The following EXOC4 variants were observed in gnomAD, a reference collection of about 807,000 sequenced individuals.
The protein encoded by EXOC4 is exocyst complex component 4.
A neutral mutation model predicts 107.2 loss-of-function variants in EXOC4; 71 were observed. The ratio of observed to expected loss-of-function variants is 0.66; its 90% CI spans 0.55 to 0.81. EXOC4 has a LOEUF of 0.81. Among genes scored for constraint, EXOC4 ranks in the 30% least tolerant of loss-of-function variants. The pLI, the probability that EXOC4 is intolerant of heterozygous loss-of-function variation, is 0.00. For missense variants in EXOC4, 1,108 were observed against 1,189.6 expected (o/e 0.93, Z 1.01); for synonymous variants, 456 against 441.2 (o/e 1.03, Z -0.42).
At chr7:133,787,972 TA>T (rs1796620545) in intron 10 of EXOC4, among the ~76,000 whole-genome samples, 6 of 38,568 alleles carry the variant, frequency 1.6e-4, no homozygotes, top group Admixed American at 2.2e-4. Context: ...TTTATATATA[TA>T]TATATATATA....
At chr7:133,903,111 G>A (rs1424606312) in intron 12 of EXOC4, among the ~76,000 whole-genome samples, 2 of 152,132 alleles carry the variant, frequency 1.3e-5, no homozygotes, top group Non-Finnish European at 2.9e-5. Context: ...ACACTTTTAA[G>A]GAACAGCAAG....
intron 14 of EXOC4, among the ~76,000 whole-genome samples, chr7:133,989,654 G>A (rs573245888): frequency 6.6e-6 from 1 of 152,340 alleles, no homozygotes; most frequent in Non-Finnish European, 1.5e-5. Context: ...CTGAAGAGCA[G>A]CCAGTAGATT....
intron 5 of EXOC4, among the ~76,000 whole-genome samples, chr7:133,342,844 G>T (rs1412950922): frequency 6.6e-6 from 1 of 151,994 alleles, no homozygotes; most frequent in Non-Finnish European, 1.5e-5. Flanking sequence ...GCATATCTCT[G>T]AGTGTGTCTT....
In EXOC4 at chr7:133,619,302, C is replaced by A. The variant is rs150035861; in HGVS notation, c.1418-10743C>A. Reference sequence around the variant, plus strand: ...TTGAGTTATGCTTGTTATGCCAATCCGTTCAAAATAATTTCTTTCCAAATT... The same window carrying A: ...TTGAGTTATGCTTGTTATGCCAATCAGTTCAAAATAATTTCTTTCCAAATT... On this transcript the variant is annotated intron_variant, in intron 9 of 17. Coordinates refer to ENST00000253861, the MANE Select transcript of EXOC4 (RefSeq NM_021807.4). 9.9e-5 allele frequency among the ~76,000 whole-genome samples: 15 copies of A among 152,184 alleles called. No individual in the cohort carries two copies. In the East Asian group the frequency reaches 1.7e-3, roughly 18 times the overall value.
At chr7:133,416,787 A>G (rs1020025503) in intron 7 of EXOC4, among the ~76,000 whole-genome samples, 5 of 152,184 alleles carry the variant, frequency 3.3e-5, no homozygotes, top group Admixed American at 3.3e-4. Context: ...AGGATGGATG[A>G]ATGACTCTCT....
chr7:133,631,498 CAT>C (rs1802590549), intron 10 of EXOC4, among the ~76,000 whole-genome samples: 1 of 151,908 alleles, frequency 6.6e-6, no homozygotes, highest in South Asian at 2.1e-4. Context: ...AATACAAAAA[CAT>C]AAATATGTAA....
chr7:133,743,576 G>A (rs192197637), intron 10 of EXOC4, among the ~76,000 whole-genome samples: 4 of 152,230 alleles, frequency 2.6e-5, no homozygotes, highest in Middle Eastern at 3.4e-3. Context: ...GGAAGATAGC[G>A]AATGGATTTC....
chr7:133,795,098 C>G (rs1364946171), intron 10 of EXOC4, among the ~76,000 whole-genome samples: 2 of 152,040 alleles, frequency 1.3e-5, no homozygotes, highest in South Asian at 4.1e-4. Context: ...TCAAGTATTA[C>G]GCAGCCAGCT....
intron 10 of EXOC4, among the ~76,000 whole-genome samples, chr7:133,692,020 G>A (rs2151078063): frequency 6.6e-6 from 1 of 152,004 alleles, no homozygotes; most frequent in East Asian, 1.9e-4. Flanking sequence ...AATATAGAGG[G>A]AATAATGATA....
chr7:133,459,090 G>A (rs1798530129), intron 7 of EXOC4, among the ~76,000 whole-genome samples: 1 of 152,222 alleles, frequency 6.6e-6, no homozygotes, highest in African/African-American at 2.4e-5. Context: ...CTTCTCTGTA[G>A]CAGGATGTCT....
chr7:133,719,522 G>C lies in EXOC4; in HGVS notation c.1514+89381G>C, dbSNP rs75460481. ...TTTTTTGAACTTCGACTTCCATCTA[G>C]TCTGCCATCAGCCTTCATTCCTTTC... is the stretch of plus-strand genomic sequence containing the variant. On this transcript the variant is annotated intron_variant, in intron 10 of 17. Transcript: ENST00000253861. 3.4e-3 allele frequency among the ~76,000 whole-genome samples: 512 copies of C among 151,690 alleles called. 2 individuals are homozygous for C. Among genetic ancestry groups the C allele is most frequent in the African/African-American group, 0.012 (494 of 41,330 alleles).
chr7:133,897,191 A>G (rs1799338560), intron 12 of EXOC4, among the ~76,000 whole-genome samples: 1 of 151,998 alleles, frequency 6.6e-6, no homozygotes, highest in African/African-American at 2.4e-5. Context: ...GAGGAATACA[A>G]CATAGATTAA....
intron 14 of EXOC4, among the ~76,000 whole-genome samples, chr7:133,957,858 A>G (rs1428805193): frequency 6.6e-6 from 1 of 152,190 alleles, no homozygotes; most frequent in Non-Finnish European, 1.5e-5. Flanking sequence ...TTAATTTTCT[A>G]CTTTCCACAC....
At chr7:133,288,882 G>A (rs1794341060) in intron 2 of EXOC4, 40 bp from the exon 3 acceptor site, 17 of 1,580,382 alleles carry the variant, frequency 1.1e-5, no homozygotes, top group Non-Finnish European at 1.5e-5. Context: ...AGACTGGCAA[G>A]ACTTTGGACT....
chr7:134,097,866 A>G, the EXOC4 span, among the ~76,000 whole-genome samples: 3 of 152,222 alleles, frequency 2.0e-5, no homozygotes, highest in Admixed American at 2.0e-4. Flanking sequence ...CACCTCAGTC[A>G]TAAATGGTCC....
intron 11 of EXOC4, among the ~76,000 whole-genome samples, chr7:133,860,717 T>C (rs1798516276): frequency 6.6e-6 from 1 of 152,210 alleles, no homozygotes; most frequent in South Asian, 2.1e-4. Flanking sequence ...TTTTCAAACA[T>C]GGGATTTAAA....
intron 7 of EXOC4, among the ~76,000 whole-genome samples, chr7:133,427,574 C>G (rs561571019): frequency 6.6e-6 from 1 of 152,314 alleles, no homozygotes; most frequent in African/African-American, 2.4e-5. Flanking sequence ...ATCAGCTACT[C>G]TGCACCCTCA....
At chr7:133,800,307 T>C (rs1796911447) in intron 10 of EXOC4, among the ~76,000 whole-genome samples, 1 of 152,212 alleles carries the variant, frequency 6.6e-6, no homozygotes, top group South Asian at 2.1e-4. Flanking sequence ...AAAATAAATA[T>C]ATCCTTCAAT....
At chr7:133,622,000 G>C (rs1802341698) in intron 9 of EXOC4, among the ~76,000 whole-genome samples, 1 of 151,880 alleles carries the variant, frequency 6.6e-6, no homozygotes, top group Non-Finnish European at 1.5e-5. Context: ...ATAAAGATAG[G>C]GTCTCACTCT....
Sources: gnomAD v4.1 joint callset for allele counts (sites outside exome capture counted in the v4.1 genomes callset) on GRCh38, gnomAD v4.1.1 for gene constraint, MANE v1.5 for transcripts, NCBI Gene and HGNC (gene_info 2026-07-23, HGNC 2026-07-21) for gene names.